The following TAF6 variants were observed in gnomAD, a reference collection of about 807,000 sequenced individuals.
TAF6 encodes transcription initiation factor TFIID subunit 6.
In TAF6, 50 loss-of-function variants were observed where a neutral mutation model predicts 73.5. That is an observed-to-expected ratio of 0.68 (90% CI 0.54 to 0.86). The LOEUF is 0.86. Ranked by LOEUF, TAF6 falls within the 40% of genes least tolerant of loss-of-function variation. The pLI is 0.00. For synonymous variants in TAF6, 424 were observed against 376.7 expected (o/e 1.13, Z -1.45); for missense variants, 768 against 899.5 (o/e 0.85, Z 1.87).
chr7:100,113,921 G>A lies in TAF6; in HGVS notation c.190C>T (p.Gln64Ter). ...TCAATGTCACTGGTGGTGAGCTTCT[G>A]CCGCTTCCCCATGTGCATGAACTTC... ...ALKFMHMGKR[Q>*]KLTTSDIDYA... Residue 64 changes from glutamine (Q) to a stop codon, truncating the protein, a stop_gained, in exon 3 of 15, where the codon CAG (glutamine) becomes TAG (stop). Coordinates refer to ENST00000453269, the MANE Select transcript of TAF6 (RefSeq NM_139315.3). LOFTEE classifies it high-confidence loss of function. 2 of 1,613,772 alleles carry A rather than the reference G, an allele frequency of 1.2e-6. No homozygotes were observed. Among genetic ancestry groups the A allele is most frequent in the Non-Finnish European group, 1.7e-6 (2 of 1,180,000 alleles).
chr7:100,107,794 A>C, intron 14 of TAF6, 132 bp downstream of exon 14: 2 of 1,378,868 alleles, frequency 1.5e-6, no homozygotes, highest in Non-Finnish European at 1.9e-6. Flanking sequence ...GCCCTGCAGG[A>C]CCCTGGTGGG....
At chr7:100,124,506 T>A, upstream of TAF6, 1 of 1,603,070 alleles carries the variant, frequency 6.2e-7, no homozygotes, top group Non-Finnish European at 8.5e-7. Context: ...GCCCTTCTAC[T>A]TGACCAGTGT....
upstream of TAF6, chr7:100,122,982 A>G (rs1584588407): frequency 8.8e-6 from 13 of 1,476,460 alleles, no homozygotes; most frequent in East Asian, 2.5e-4. Context: ...GGGTTTGACT[A>G]TAGGGGATGT....
chr7:100,113,998 A>AC (rs745860312), intron 2 of TAF6, 44 bp from the exon 3 acceptor site: 1 of 1,614,078 alleles, frequency 6.2e-7, no homozygotes, highest in Non-Finnish European at 8.5e-7. Context: ...AATCCTAAGG[A>AC]CGGGGCCCTG....
At chr7:100,124,313 C>T, upstream of TAF6, 1 of 543,752 alleles carries the variant, frequency 1.8e-6, no homozygotes. Context: ...AGCTGAGACT[C>T]AAGAGTTTAA....
At chr7:100,112,327 T>G in intron 6 of TAF6, 74 bp from the exon 7 acceptor site, 1 of 1,541,168 alleles carries the variant, frequency 6.5e-7, no homozygotes, top group East Asian at 2.3e-5. Flanking sequence ...ACCTTAACCC[T>G]CCACTTCCCC....
upstream of TAF6, chr7:100,122,829 G>T: frequency 1.2e-6 from 2 of 1,614,022 alleles, no homozygotes; most frequent in East Asian, 2.2e-5. Flanking sequence ...AGTGCAGAAG[G>T]GGGTGAAGGT....
Position 100,114,259 on chromosome 7 carries a change from G to A in TAF6, c.-50C>T, listed in dbSNP as rs1169201515. 6 of 1,613,452 alleles carry A rather than the reference G, an allele frequency of 3.7e-6. No homozygotes were observed. Among genetic ancestry groups the A allele is most frequent in the African/African-American group, 1.3e-5 (1 of 74,936 alleles). On this transcript the variant is annotated 5_prime_UTR_variant, in exon 2 of 15. Transcript: ENST00000453269. ...GGAAGGATGAAGCCCCCGGTGGAGAGACGGAGACCCTGGCAGAGGAACGGG... is the reference window on the plus strand; with the variant it reads ...GGAAGGATGAAGCCCCCGGTGGAGAAACGGAGACCCTGGCAGAGGAACGGG...
At chr7:100,119,678 T>C, upstream of TAF6, 1 of 1,612,402 alleles carries the variant, frequency 6.2e-7, no homozygotes, top group Non-Finnish European at 8.5e-7. Context: ...CCTGGGAATT[T>C]AAGGGACCCA....
Position 100,108,056 on chromosome 7 carries a change from A to G in TAF6, c.1526T>C (p.Val509Ala), listed in dbSNP as rs1382089786. The stretch of plus-strand genomic sequence containing the variant: ...GACAGGAAGTGCGATGGAGCCAGGA[A>G]CCTTCAGCAAGCCAGGGGTGCGAGG... Reference protein sequence around the residue: ...PGPRTPGLLKVPGSIALPVQT... With the variant: ...PGPRTPGLLKAPGSIALPVQT... The change falls in exon 14 of 15, where the codon GTT (valine) becomes GCT (alanine). Residue 509 changes from valine (V) to alanine (A), a missense_variant. Physicochemically the swap from Val to Ala is moderately conservative, Grantham distance 64. Transcript: ENST00000453269. 1 of 1,613,038 alleles carries G rather than the reference A, an allele frequency of 6.2e-7. No individual in the cohort carries two copies. The highest frequency in any genetic ancestry group is 1.3e-5 in the African/African-American group (1 of 74,988).
intron 8 of TAF6, 41 bp from the exon 9 acceptor site, chr7:100,111,870 C>T (rs370891498): frequency 8.7e-6 from 14 of 1,613,944 alleles, no homozygotes; most frequent in Middle Eastern, 1.6e-4. Context: ...CAGGGAGACC[C>T]TCACAGGAGC....
chr7:100,124,694 T>C (rs1191207651), upstream of TAF6: 1 of 1,613,334 alleles, frequency 6.2e-7, no homozygotes, highest in Admixed American at 1.7e-5. Flanking sequence ...CCAGGACTAA[T>C]ATCTAAATTG....
At chr7:100,111,439 A>G (rs772000826) in intron 9 of TAF6, 118 bp from the exon 10 acceptor site, 18 of 1,255,734 alleles carry the variant, frequency 1.4e-5, no homozygotes, top group East Asian at 7.6e-5. Context: ...TGCAGCATCA[A>G]TCTCCCGGGC....
upstream of TAF6, chr7:100,121,106 A>ATTTTTTTTTTTTTTTTTTTTTTT (rs1798031550): frequency 6.3e-5 from 1 of 15,770 alleles, no homozygotes; most frequent in East Asian, 8.7e-4. Context: ...ATATATATAT[A>ATTTTTTTTTTTTTTTTTTTTTTT]TATATATATA....
chr7:100,122,916 G>A (rs1425909583), upstream of TAF6: 2 of 1,608,194 alleles, frequency 1.2e-6, no homozygotes, highest in South Asian at 1.1e-5. Flanking sequence ...GGTAGGATAA[G>A]ACACTGCACC....
chr7:100,121,595 C>G (rs543152269), upstream of TAF6, among the ~76,000 whole-genome samples: 1 of 151,850 alleles, frequency 6.6e-6, no homozygotes, highest in Non-Finnish European at 1.5e-5. Flanking sequence ...CAGGTGCGCA[C>G]CACCACACCT....
upstream of TAF6, chr7:100,124,493 C>G (rs1422898043): frequency 6.4e-7 from 1 of 1,567,164 alleles, no homozygotes; most frequent in Middle Eastern, 1.8e-4. Flanking sequence ...AGATACTCTT[C>G]TGGCCCTTCT....
chr7:100,119,146 C>CA (rs1225608788), intron 1 of TAF6, 58 bp downstream of exon 1: 2 of 986,870 alleles, frequency 2.0e-6, no homozygotes, highest in African/African-American at 3.5e-5. Flanking sequence ...TCTCCTGCAA[C>CA]ATCTCTCCAA....
upstream of TAF6, chr7:100,122,788 A>G (rs1798110548): frequency 3.1e-6 from 5 of 1,613,404 alleles, no homozygotes; most frequent in African/African-American, 1.3e-5. Flanking sequence ...TCTCAGGGTC[A>G]GAGTCAGACC....
Sources: gnomAD v4.1 joint callset for allele counts (sites outside exome capture counted in the v4.1 genomes callset) on GRCh38, gnomAD v4.1.1 for gene constraint, MANE v1.5 for transcripts, NCBI Gene and HGNC (gene_info 2026-07-23, HGNC 2026-07-21) for gene names.